Variants in TCF7L2 observed in about 807,000 individuals in gnomAD.
TCF7L2 encodes the protein transcription factor 7-like 2.
In TCF7L2, 23 loss-of-function variants were observed where a neutral mutation model predicts 77.9. The ratio of observed to expected loss-of-function variants is 0.30; its 90% CI spans 0.21 to 0.42. The LOEUF is 0.42. Ranked by LOEUF, TCF7L2 falls within the 10% of genes least tolerant of loss-of-function variation. TCF7L2 has a pLI of 1.00. For synonymous variants in TCF7L2, 413 were observed against 340.2 expected (o/e 1.21, Z -2.36); for missense variants, 654 against 793.1 (o/e 0.82, Z 2.11).
At chr10:112,982,591 C>G (rs1343446450) in intron 4 of TCF7L2, among the ~76,000 whole-genome samples, 1 of 152,150 alleles carries the variant, frequency 6.6e-6, no homozygotes, top group African/African-American at 2.4e-5. Context: ...AGTTATTTCT[C>G]CTGAATAAGA....
intron 5 of TCF7L2, among the ~76,000 whole-genome samples, chr10:113,043,069 T>C (rs2052738824): frequency 6.6e-6 from 1 of 152,252 alleles, no homozygotes; most frequent in Non-Finnish European, 1.5e-5. Flanking sequence ...GCTTCTTAAT[T>C]TCCCCGAAAT....
intron 4 of TCF7L2, among the ~76,000 whole-genome samples, chr10:112,989,375 GA>G (rs1444240118): frequency 5.4e-5 from 8 of 147,208 alleles, no homozygotes; most frequent in Admixed American, 2.7e-4. Flanking sequence ...AAAAAAAAAA[GA>G]AAAAAAGCCA....
chr10:112,999,227 T>A (rs2044039613), intron 4 of TCF7L2, among the ~76,000 whole-genome samples: 1 of 152,188 alleles, frequency 6.6e-6, no homozygotes, highest in Admixed American at 6.5e-5. Flanking sequence ...TCCAGGCCTG[T>A]GTAATAGACG....
Position 112,992,589 on chromosome 10 carries a change from C to T in TCF7L2, c.450+27965C>T, listed in dbSNP as rs59499850. ...GATTGCGTTATCTTTACCAAGTGCC[C>T]GGAGCTCCTGGGAGGGAAGAGAGAG... On this transcript the variant is annotated intron_variant, in intron 4 of 13. Coordinates refer to ENST00000627217, the MANE Select transcript of TCF7L2 (RefSeq NM_001146274.2). 3.8e-3 allele frequency among the ~76,000 whole-genome samples: 580 copies of T among 152,100 alleles called. 10 individuals are homozygous for T. The highest frequency in any genetic ancestry group is 0.024 in the Middle Eastern group (7 of 290).
At chr10:113,083,347 C>T (rs1056817224) in intron 5 of TCF7L2, among the ~76,000 whole-genome samples, 10 of 151,888 alleles carry the variant, frequency 6.6e-5, no homozygotes, top group African/African-American at 2.4e-4. Context: ...GCCACTCACA[C>T]ATGCTCACAT....
At chr10:113,000,780 C>A (rs2133337292) in intron 4 of TCF7L2, among the ~76,000 whole-genome samples, 1 of 152,232 alleles carries the variant, frequency 6.6e-6, no homozygotes, top group South Asian at 2.1e-4. Context: ...TAGGCTCTGC[C>A]CCTGAAGACA....
At chr10:113,076,387 C>G (rs1261240113) in intron 5 of TCF7L2, among the ~76,000 whole-genome samples, 19 of 152,172 alleles carry the variant, frequency 1.2e-4, no homozygotes, top group Admixed American at 1.2e-3. Context: ...ATCCTTTTGC[C>G]TTTGCCTCCC....
At chr10:112,964,813 G>GGTGGTGGT (rs1564719445) in intron 4 of TCF7L2, among the ~76,000 whole-genome samples, 189 bp downstream of exon 4, 2 of 98,434 alleles carry the variant, frequency 2.0e-5, no homozygotes, top group African/African-American at 2.1e-4. Flanking sequence ...TGGTGGTGGT[G>GGTGGTGGT]GGGGGGGGTT....
chr10:113,160,950 G>A (rs992424185), intron 13 of TCF7L2, among the ~76,000 whole-genome samples: 3 of 152,178 alleles, frequency 2.0e-5, no homozygotes, highest in Non-Finnish European at 4.4e-5. Context: ...CAAACAAGGA[G>A]GGGCACTTAT....
At chr10:113,143,440 A>G (rs1307833895) in intron 6 of TCF7L2, among the ~76,000 whole-genome samples, 1 of 152,160 alleles carries the variant, frequency 6.6e-6, no homozygotes, top group African/African-American at 2.4e-5. Context: ...ACCATTTTTG[A>G]AAAAAGGCAA....
intron 4 of TCF7L2, among the ~76,000 whole-genome samples, chr10:113,023,738 G>A (rs764095353): frequency 6.6e-6 from 1 of 151,260 alleles, no homozygotes; most frequent in Non-Finnish European, 1.5e-5. Context: ...GCGTGATCTC[G>A]GCTCACTGCA....
rs4081699 is a variant in TCF7L2, at chr10:113,160,330, A to G, written c.1319-289A>G. 0.17 allele frequency among the ~76,000 whole-genome samples: 26,313 copies of G among 151,372 alleles called. 2,668 individuals are homozygous for G. Among genetic ancestry groups the G allele is most frequent in the Admixed American group, 0.24 (3,644 of 15,254 alleles). ...CCTGGCCTAGGTAGAAGCAAATGAC[A>G]TCACCTTCTCCCCTCCTCTTCTCTC... On this transcript the variant is annotated intron_variant, in intron 12 of 13. Coordinates refer to ENST00000627217, the MANE Select transcript of TCF7L2 (RefSeq NM_001146274.2).
At chr10:113,123,571 G>A (rs1251653602) in intron 5 of TCF7L2, among the ~76,000 whole-genome samples, 1 of 152,200 alleles carries the variant, frequency 6.6e-6, no homozygotes, top group Non-Finnish European at 1.5e-5. Flanking sequence ...ATGATGTGGG[G>A]GAAAAGGTAG....
At chr10:113,072,465 C>G (rs2058152070) in intron 5 of TCF7L2, among the ~76,000 whole-genome samples, 1 of 152,184 alleles carries the variant, frequency 6.6e-6, no homozygotes, top group Non-Finnish European at 1.5e-5. Flanking sequence ...AGCGATTCTC[C>G]AGCCTCAGCC....
intron 3 of TCF7L2, among the ~76,000 whole-genome samples, chr10:112,960,014 A>G (rs1355867923): frequency 6.6e-6 from 1 of 152,124 alleles, no homozygotes; most frequent in Non-Finnish European, 1.5e-5. Flanking sequence ...AGAGAAAGCC[A>G]GGTGATTCAT....
At chr10:112,968,689 C>T (rs1013749452) in intron 4 of TCF7L2, among the ~76,000 whole-genome samples, 2 of 152,142 alleles carry the variant, frequency 1.3e-5, no homozygotes, top group African/African-American at 2.4e-5. Context: ...AGCAATTCTC[C>T]TACCTCAGCC....
intron 5 of TCF7L2, among the ~76,000 whole-genome samples, chr10:113,097,534 T>G (rs549099878): frequency 6.8e-6 from 1 of 147,940 alleles, no homozygotes; most frequent in South Asian, 2.2e-4. Flanking sequence ...GCACCTGTAA[T>G]CCCAGCTCCT....
At chr10:112,959,559 C>T (rs545618571) in intron 3 of TCF7L2, among the ~76,000 whole-genome samples, 2 of 152,276 alleles carry the variant, frequency 1.3e-5, no homozygotes, top group African/African-American at 2.4e-5. Flanking sequence ...GGGATGCTGT[C>T]GTTAAGTTAT....
At chr10:113,073,180 G>T (rs1023689821) in intron 5 of TCF7L2, among the ~76,000 whole-genome samples, 2 of 150,350 alleles carry the variant, frequency 1.3e-5, no homozygotes, top group African/African-American at 4.9e-5. Context: ...GAAACATAAA[G>T]GTGATCGGCA....
Sources: allele counts gnomAD v4.1 joint callset (sites outside exome capture counted in the v4.1 genomes callset), GRCh38; gene constraint gnomAD v4.1.1; transcripts MANE v1.5; gene names NCBI Gene and HGNC (gene_info 2026-07-23, HGNC 2026-07-21).